The following SMIM14 variants were observed in gnomAD, a reference collection of about 807,000 sequenced individuals.
SMIM14 encodes chromosome 4 open reading frame 34.
A neutral mutation model predicts 12.6 loss-of-function variants in SMIM14; 5 were observed. That is an observed-to-expected ratio of 0.40 (90% CI 0.21 to 0.83). The LOEUF (loss-of-function observed/expected upper bound fraction) is 0.83. Ranked by LOEUF, SMIM14 falls within the 40% of genes least tolerant of loss-of-function variation. SMIM14 has a pLI of 0.37. For missense variants in SMIM14, 86 were observed against 119.1 expected (o/e 0.72, Z 1.29); for synonymous variants, 30 against 40.1 (o/e 0.75, Z 0.95).
chr4:39,569,595 G>T (rs1186968025), intron 3 of SMIM14, among the ~76,000 whole-genome samples: 1 of 152,072 alleles, frequency 6.6e-6, no homozygotes, highest in African/African-American at 2.4e-5. Flanking sequence ...GGAGAAGCCA[G>T]GCACGGTGGC....
chr4:39,627,312 C>A (rs904753199), intron 1 of SMIM14, among the ~76,000 whole-genome samples: 2 of 152,192 alleles, frequency 1.3e-5, no homozygotes, highest in African/African-American at 4.8e-5. Context: ...ACATTACCTT[C>A]TCTTTCCTTG....
At chr4:39,580,341 C>T (rs6840638) in intron 2 of SMIM14, among the ~76,000 whole-genome samples, 22,621 of 151,760 alleles carry the variant, frequency 0.15, 2,122 homozygotes, top group South Asian at 0.32. Flanking sequence ...CACCAACACC[C>T]GGTTTTTAAA....
intron 1 of SMIM14, among the ~76,000 whole-genome samples, chr4:39,619,874 A>ATTTTTTTTT (rs1253051297): frequency 1.2e-5 from 1 of 82,982 alleles, no homozygotes; most frequent in Admixed American, 1.3e-4. Flanking sequence ...ATATATATAT[A>ATTTTTTTTT]TATTTTTTTT....
intron 1 of SMIM14, among the ~76,000 whole-genome samples, chr4:39,631,551 C>T (rs1491001556): frequency 6.6e-6 from 1 of 151,114 alleles, no homozygotes; most frequent in African/African-American, 2.4e-5. Context: ...CCCAGCTACT[C>T]GGGAGGCTGA....
chr4:39,608,195 G>A (rs1225175688), intron 1 of SMIM14, among the ~76,000 whole-genome samples: 2 of 152,208 alleles, frequency 1.3e-5, no homozygotes, highest in Non-Finnish European at 2.9e-5. Flanking sequence ...ACTCAAGATT[G>A]GGCATGGTGG....
chr4:39,583,053 A>G (rs1713600506), intron 2 of SMIM14, among the ~76,000 whole-genome samples: 1 of 151,962 alleles, frequency 6.6e-6, no homozygotes, highest in African/African-American at 2.4e-5. Flanking sequence ...CAGCCTCCCA[A>G]AGTACTGGGA....
chr4:39,559,772 C>T (rs1712202031), intron 3 of SMIM14, among the ~76,000 whole-genome samples: 1 of 152,016 alleles, frequency 6.6e-6, no homozygotes, highest in African/African-American at 2.4e-5. Context: ...GGCCTAAGAG[C>T]AGGATGGATA....
intron 1 of SMIM14, among the ~76,000 whole-genome samples, chr4:39,624,184 G>T (rs531552826): frequency 1.3e-5 from 2 of 152,030 alleles, no homozygotes; most frequent in African/African-American, 4.8e-5. Flanking sequence ...ACTCAAAACT[G>T]GTTATTCTTT....
At chr4:39,636,420 A>G in intron 1 of SMIM14, among the ~76,000 whole-genome samples, 1 of 152,304 alleles carries the variant, frequency 6.6e-6, no homozygotes, top group African/African-American at 2.4e-5. Flanking sequence ...CACAATGCAT[A>G]TTAATTTCTT....
chr4:39,576,394 T>C lies in SMIM14; in HGVS notation c.76-3931A>G, dbSNP rs539555064. ...TTTACAAGATAGTAAAGATCAAGGG[T>C]AGGCACATTTCAGGCAAAGTACATG... On this transcript the variant is annotated intron_variant, in intron 2 of 4. Coordinates refer to ENST00000295958, the MANE Select transcript of SMIM14 (RefSeq NM_174921.3). Among the ~76,000 whole-genome samples the C allele has an allele frequency of 6.6e-5, 10 of 151,378 alleles. No homozygotes were observed. The East Asian group carries it at 1.8e-3, about 27-fold the overall frequency.
At chr4:39,607,373 CA>C (rs1714853469) in intron 1 of SMIM14, among the ~76,000 whole-genome samples, 1 of 152,198 alleles carries the variant, frequency 6.6e-6, no homozygotes, top group Non-Finnish European at 1.5e-5. Flanking sequence ...ATCAATAAAA[CA>C]ATTCATAAAT....
At chr4:39,629,383 CAT>C (rs71645114) in intron 1 of SMIM14, among the ~76,000 whole-genome samples, 6 of 118,316 alleles carry the variant, frequency 5.1e-5, no homozygotes, top group African/African-American at 1.5e-4. Context: ...AAAAAAGATA[CAT>C]ATATATATAT....
intron 1 of SMIM14, among the ~76,000 whole-genome samples, chr4:39,624,000 C>T (rs1316634002): frequency 6.6e-6 from 1 of 152,146 alleles, no homozygotes; most frequent in African/African-American, 2.4e-5. Context: ...TTAGTTTTTA[C>T]ATAACAGAAA....
At chr4:39,591,620 A>G (rs777383705) in intron 2 of SMIM14, among the ~76,000 whole-genome samples, 1 of 152,038 alleles carries the variant, frequency 6.6e-6, no homozygotes, top group East Asian at 1.9e-4. Context: ...CAGTGGTGTG[A>G]TATCAGATCA....
At chr4:39,601,744 C>T (rs1714618672) in intron 2 of SMIM14, among the ~76,000 whole-genome samples, 1 of 151,790 alleles carries the variant, frequency 6.6e-6, no homozygotes. Context: ...GCCAGGAGTT[C>T]GAGACCACCC....
intron 3 of SMIM14, among the ~76,000 whole-genome samples, chr4:39,566,678 C>T (rs1370560757): frequency 1.3e-5 from 2 of 152,014 alleles, no homozygotes; most frequent in Non-Finnish European, 2.9e-5. Context: ...ACTAAAAATA[C>T]AAAAATTAGG....
intron 1 of SMIM14, among the ~76,000 whole-genome samples, chr4:39,605,753 T>G (rs1234089080): frequency 6.6e-6 from 1 of 152,218 alleles, no homozygotes; most frequent in East Asian, 1.9e-4. Context: ...TGTTTTGTTT[T>G]GTTTTTAGAC....
At chr4:39,592,165 C>A (rs1380453741) in intron 2 of SMIM14, among the ~76,000 whole-genome samples, 7 of 151,900 alleles carry the variant, frequency 4.6e-5, no homozygotes, top group African/African-American at 1.7e-4. Flanking sequence ...TCCACTCCAG[C>A]CTAGATGATA....
chr4:39,632,819 AC>A (rs1715958593), intron 1 of SMIM14, among the ~76,000 whole-genome samples: 10 of 148,428 alleles, frequency 6.7e-5, no homozygotes, highest in Admixed American at 5.4e-4. Flanking sequence ...ACACACACAC[AC>A]ACACACAAAA....
Sources: allele counts gnomAD v4.1 joint callset (sites outside exome capture counted in the v4.1 genomes callset), GRCh38; gene constraint gnomAD v4.1.1; transcripts MANE v1.5; gene names NCBI Gene and HGNC (gene_info 2026-07-23, HGNC 2026-07-21).